Variants in NAB2 observed in about 807,000 individuals in gnomAD.
NAB2 encodes NGFI-A binding protein 2, also known as NGFI-A-binding protein 2.
Under a neutral mutation model 44.2 loss-of-function variants are expected in NAB2, and 9 were observed. That is an observed-to-expected ratio of 0.20 (90% CI 0.12 to 0.36). NAB2 has a LOEUF of 0.36. NAB2 is among the 10% of genes least tolerant of loss of function. The probability of loss-of-function intolerance (pLI) is 1.00; values close to 1 mark genes in which losing one functional copy is unlikely to be tolerated. For missense variants in NAB2, 514 were observed against 709.0 expected (o/e 0.73, Z 3.12); for synonymous variants, 342 against 291.0 (o/e 1.18, Z -1.78).
At chr12:57,089,781 G>C (rs946538267) in intron 1 of NAB2, among the ~76,000 whole-genome samples, 4 of 151,076 alleles carry the variant, frequency 2.6e-5, no homozygotes, top group East Asian at 2.0e-4. Context: ...GGGGGAAAGG[G>C]GGGGTGACGA....
chr12:57,093,381 T>TA, intron 5 of NAB2, 26 bp from the exon 6 acceptor site: 2 of 1,529,672 alleles, frequency 1.3e-6, no homozygotes, highest in Non-Finnish European at 1.8e-6. Context: ...TGCAGCCCCT[T>TA]ACCTGACCAG....
In NAB2 at chr12:57,092,440, C is replaced by T. The variant is rs757013740; in HGVS notation, c.958-8C>T. The stretch of plus-strand genomic sequence containing the variant: ...ATTCTGACTCTCCTGGCTGCCCTCC[C>T]TCCACAGCTCACCATCAACGAGGCT... On this transcript the variant is annotated splice_region_variant and splice_polypyrimidine_tract_variant and intron_variant, in intron 2 of 6. Coordinates refer to ENST00000300131, the MANE Select transcript of NAB2 (RefSeq NM_005967.4). The T allele has an allele frequency of 1.1e-5, 18 of 1,613,682 alleles. No individual in the cohort carries two copies. The highest frequency in any genetic ancestry group is 1.4e-5 in the Non-Finnish European group (17 of 1,179,774).
intron 5 of NAB2, 104 bp downstream of exon 5, chr12:57,093,299 G>A: frequency 6.8e-7 from 1 of 1,473,840 alleles, no homozygotes; most frequent in Middle Eastern, 2.1e-4. Context: ...ACAGGGTTGG[G>A]AGACCTGGCT....
At chr12:57,092,037 C>G (rs1308180765) in intron 2 of NAB2, 39 bp downstream of exon 2, 9 of 1,565,020 alleles carry the variant, frequency 5.8e-6, no homozygotes, top group Middle Eastern at 1.9e-4. Context: ...CCCTTGACTT[C>G]CAGGTCTCCA....
rs1592530139 is a variant in NAB2, at chr12:57,089,238, C to G, written c.-34C>G. Reference sequence around the variant, plus strand: ...GCAGCAGGCGCCGAGCGCCGGGCACCGAGAAGGGCAGCCCGGGTGATCTCC... The same window carrying G: ...GCAGCAGGCGCCGAGCGCCGGGCACGGAGAAGGGCAGCCCGGGTGATCTCC... On this transcript the variant is annotated 5_prime_UTR_variant, in exon 1 of 7. Transcript: ENST00000300131. 6.4e-7 allele frequency: 1 copy of G among 1,555,198 alleles called. No individual in the cohort carries two copies. Among genetic ancestry groups the G allele is most frequent in the Admixed American group, 1.9e-5 (1 of 51,486 alleles).
intron 6 of NAB2, among the ~76,000 whole-genome samples, chr12:57,094,185 C>A (rs2033275951): frequency 6.6e-6 from 1 of 150,442 alleles, no homozygotes; most frequent in Non-Finnish European, 1.5e-5. Context: ...GGCTGGCTTC[C>A]TGTTCTCCCT....
intron 6 of NAB2, among the ~76,000 whole-genome samples, chr12:57,093,878 A>G (rs956167791): frequency 2.0e-5 from 3 of 152,160 alleles, no homozygotes; most frequent in Admixed American, 6.5e-5. Flanking sequence ...AAGGAGGAGC[A>G]TCAATAAGGG....
chr12:57,089,337 C>G lies in NAB2; in HGVS notation c.66C>G (p.Thr22=), dbSNP rs2033120917. 1 of 1,573,958 alleles carries G rather than the reference C, an allele frequency of 6.4e-7. No individual in the cohort carries two copies. The highest frequency in any genetic ancestry group is 1.3e-5 in the African/African-American group (1 of 74,466). ...GCGGAGGGGACAGCGCCCGCCGGACCCTGCAGCCCAGACTCAAGTTAGTGG... is the reference window on the plus strand; with the variant it reads ...GCGGAGGGGACAGCGCCCGCCGGACGCTGCAGCCCAGACTCAAGTTAGTGG... ...PPGGGDSARR[T]LQPRLKPSAR... is the part of the protein sequence containing the mutation. Residue 22 remains threonine (T), a synonymous_variant, in exon 1 of 7, where the codon ACC becomes ACG. Coordinates refer to ENST00000300131, the MANE Select transcript of NAB2 (RefSeq NM_005967.4).
In NAB2 at chr12:57,091,442, C is replaced by T. The variant is rs138572618; in HGVS notation, c.401C>T (p.Ala134Val). The T allele has an allele frequency of 8.7e-6, 14 of 1,614,152 alleles. No homozygotes were observed. The highest frequency in any genetic ancestry group is 5.0e-5 in the Admixed American group (3 of 60,022). Residue 134 changes from alanine to valine, a missense_variant, in exon 2 of 7, where the codon GCG (alanine) becomes GTG (valine). Physicochemically the swap from Ala to Val is moderately conservative, Grantham distance 64. Around this residue, in one of 5 missense-constraint regions of NAB2, gnomAD observed 177 missense variants for 200.5 expected, o/e 0.88. Coordinates refer to ENST00000300131, the MANE Select transcript of NAB2 (RefSeq NM_005967.4). The surrounding 1 kb of genome is among the most constrained non-coding windows in gnomAD (Gnocchi z 7.3). ...CCGCTCTTCAAGATCTCTGAGACTG[C>T]GGGTACCCGGAAAGGGAGCATGAGC... ...SIPLFKISETAGTRKGSMSNG... is the reference protein window; with the variant it reads ...SIPLFKISETVGTRKGSMSNG...
chr12:57,091,025 AG>A lies in NAB2; in HGVS notation c.84-99del. 3.8e-6 allele frequency: 4 copies of A among 1,055,934 alleles called. No homozygotes were observed. Among genetic ancestry groups the A allele is most frequent in the Non-Finnish European group, 5.4e-6 (4 of 736,898 alleles). 65.4% of individuals were successfully genotyped at this position (1,055,934 alleles called of 1,614,324 possible). A position where few individuals can be genotyped will look rare whatever the true frequency, so the allele number is the denominator to read the frequency against. The stretch of plus-strand genomic sequence containing the variant: ...GATAGCATCCAAATGAGGGAGGGGA[AG>A]AAAAGCAGGCAGGAAAGAGGGAACA... On this transcript the variant is annotated intron_variant, in intron 1 of 6. Coordinates refer to ENST00000300131, the MANE Select transcript of NAB2 (RefSeq NM_005967.4). The surrounding 1 kb of genome is among the most constrained non-coding windows in gnomAD (Gnocchi z 7.3).
chr12:57,093,355 TG>T, intron 5 of NAB2, 51 bp from the exon 6 acceptor site: 1 of 1,477,182 alleles, frequency 6.8e-7, no homozygotes. Context: ...TGGTTGAGGG[TG>T]GGGGTTCCAT....
chr12:57,091,656 G>A lies in NAB2; in HGVS notation c.615G>A (p.Ser205=), dbSNP rs770470908. The A allele has an allele frequency of 1.6e-5, 25 of 1,587,508 alleles. No homozygotes were observed. The Admixed American group carries it at 2.8e-4, about 18-fold the overall frequency. Residue 205 remains serine, a synonymous_variant, in exon 2 of 7, where the codon TCG becomes TCA. Coordinates refer to ENST00000300131, the MANE Select transcript of NAB2 (RefSeq NM_005967.4). The surrounding 1 kb of genome is among the most constrained non-coding windows in gnomAD (Gnocchi z 7.3). ...VGAGGEEEAG[S]PPFSPPAGGG... ...CAGGAGGAGAAGAGGAGGCTGGCTC[G>A]CCCCCCTTCTCCCCCCCTGCAGGGG...
intron 2 of NAB2, 136 bp downstream of exon 2, chr12:57,092,134 C>T: frequency 3.6e-6 from 5 of 1,399,048 alleles, no homozygotes; most frequent in Non-Finnish European, 4.7e-6. Context: ...CCCTCCCCAA[C>T]AGGCCCCTAC....
chr12:57,090,934 G>A (rs1376828126), intron 1 of NAB2, among the ~76,000 whole-genome samples, 191 bp from the exon 2 acceptor site: 3 of 152,248 alleles, frequency 2.0e-5, no homozygotes, highest in African/African-American at 7.2e-5. Flanking sequence ...GACGGCACTG[G>A]CTTGTCCATG....
At chr12:57,089,902 C>G (rs1229430569) in intron 1 of NAB2, among the ~76,000 whole-genome samples, 1 of 152,214 alleles carries the variant, frequency 6.6e-6, no homozygotes, top group African/African-American at 2.4e-5. Context: ...TGAGCCGCTC[C>G]CCCACTCCAC....
At position 57,092,912 on chromosome 12, in the gene NAB2, T is replaced by C. The variant is rs748265720; in HGVS notation, c.1092-5T>C. On this transcript the variant is annotated splice_region_variant and splice_polypyrimidine_tract_variant and intron_variant, in intron 3 of 6. Transcript: ENST00000300131. ...CATCCACTTTATTCTTACCCATCTT[T>C]TCAGGCTTCACCCTGAAGAACTGGG... is the stretch of plus-strand genomic sequence containing the variant. 6.2e-7 allele frequency: 1 copy of C among 1,614,192 alleles called. No homozygotes were observed. The highest frequency in any genetic ancestry group is 8.5e-7 in the Non-Finnish European group (1 of 1,180,006).
chr12:57,092,873 G>A, intron 3 of NAB2, 44 bp from the exon 4 acceptor site: 1 of 1,608,700 alleles, frequency 6.2e-7, no homozygotes, highest in Non-Finnish European at 8.5e-7. Flanking sequence ...CAGTCGAGTG[G>A]CCCTCGTCAG....
rs762168009 is a variant in NAB2 at position 57,089,340 on chromosome 12, G to A, written c.69G>A (p.Leu23=). The A allele has an allele frequency of 6.4e-7, 1 of 1,573,350 alleles. No homozygotes were observed. Among genetic ancestry groups the A allele is most frequent in the Non-Finnish European group, 8.6e-7 (1 of 1,159,480 alleles). ...PGGGDSARRT[L]QPRLKPSARA... ...GAGGGGACAGCGCCCGCCGGACCCT[G>A]CAGCCCAGACTCAAGTTAGTGGGCA... The change falls in exon 1 of 7, where the codon CTG becomes CTA. Residue 23 remains leucine (L), a synonymous_variant. Coordinates refer to ENST00000300131, the MANE Select transcript of NAB2 (RefSeq NM_005967.4).
intron 6 of NAB2, among the ~76,000 whole-genome samples, chr12:57,094,217 T>C (rs2033278382): frequency 7.6e-6 from 1 of 130,754 alleles, no homozygotes; most frequent in Non-Finnish European, 1.6e-5. Flanking sequence ...ACCAAAAAAC[T>C]TGGGGGGCCA....
Sources: allele counts gnomAD v4.1 joint callset (sites outside exome capture counted in the v4.1 genomes callset), GRCh38; gene constraint gnomAD v4.1.1; regional missense constraint gnomAD v4.1.1; non-coding constraint Gnocchi (gnomAD v3.1); transcripts MANE v1.5; gene names NCBI Gene and HGNC (gene_info 2026-07-23, HGNC 2026-07-21).